Variants in ZFYVE1 observed in about 807,000 individuals in gnomAD.
ZFYVE1 encodes zinc finger FYVE-type containing 1.
Under a neutral mutation model 74.4 loss-of-function variants are expected in ZFYVE1, and 30 were observed. That is an observed-to-expected ratio of 0.40 (90% CI 0.30 to 0.55). The LOEUF is 0.55. ZFYVE1 is among the 20% of genes least tolerant of loss of function. The probability of loss-of-function intolerance (pLI) is 0.42; values close to 1 mark genes in which losing one functional copy is unlikely to be tolerated. For missense variants in ZFYVE1, 703 were observed against 1,011.6 expected (o/e 0.69, Z 4.14); for synonymous variants, 335 against 385.1 (o/e 0.87, Z 1.52).
chr14:73,017,721 A>C (rs1293518172), intron 2 of ZFYVE1, among the ~76,000 whole-genome samples: 1 of 150,140 alleles, frequency 6.7e-6, no homozygotes, highest in African/African-American at 2.5e-5. Context: ...TCCCCATCTC[A>C]GTAACACCAA....
intron 2 of ZFYVE1, among the ~76,000 whole-genome samples, chr14:73,020,846 G>C (rs867291967): frequency 6.6e-6 from 1 of 152,094 alleles, no homozygotes; most frequent in Admixed American, 6.6e-5. Context: ...GTGGTGGCAG[G>C]TGCCTGTAAT....
At chr14:72,977,447 C>T (rs944409168) in intron 8 of ZFYVE1, among the ~76,000 whole-genome samples, 37 of 151,916 alleles carry the variant, frequency 2.4e-4, no homozygotes, top group African/African-American at 8.7e-4. Flanking sequence ...CTATAGGAAT[C>T]CCACTTCTTA....
At chr14:72,993,476 G>C in intron 3 of ZFYVE1, 119 bp from the exon 4 acceptor site, 1 of 861,030 alleles carries the variant, frequency 1.2e-6, no homozygotes, top group Non-Finnish European at 1.7e-6. Flanking sequence ...GCCAAGGTGG[G>C]TGGATCACCC....
At chr14:73,021,011 G>C (rs1894307444) in intron 2 of ZFYVE1, among the ~76,000 whole-genome samples, 1 of 152,162 alleles carries the variant, frequency 6.6e-6, no homozygotes, top group Non-Finnish European at 1.5e-5. Context: ...TGGGATTACA[G>C]GTATGAGCCA....
At chr14:72,971,541 TG>T in intron 11 of ZFYVE1, among the ~76,000 whole-genome samples, 1 of 152,272 alleles carries the variant, frequency 6.6e-6, no homozygotes, top group South Asian at 2.1e-4. Flanking sequence ...TTGTCCGGGC[TG>T]GTCTCGAACT....
rs1328298222 is a variant in ZFYVE1, at chr14:72,993,183, C to A, written c.1163G>T (p.Arg388Leu). ...LEQLLENNTT[R>L]SPRHPGVIFK... Reference sequence around the variant, plus strand: ...GATGACTCCCGGGTGCCGGGGAGAACGGGTGGTGTTATTCTCTAGTAGCTG... The same window carrying A: ...GATGACTCCCGGGTGCCGGGGAGAAAGGGTGGTGTTATTCTCTAGTAGCTG... The change falls in exon 4 of 12, where the codon CGT becomes CTT. Residue 388 changes from arginine (R) to leucine (L), a missense_variant. Physicochemically the swap from Arg to Leu is moderately radical, Grantham distance 102. This residue lies in a region of ZFYVE1 where 492 missense variants were observed against 790.0 expected (regional missense o/e 0.62). Transcript: ENST00000556143. The A allele has an allele frequency of 6.2e-7, 1 of 1,612,836 alleles. No homozygotes were observed. The highest frequency in any genetic ancestry group is 8.5e-7 in the Non-Finnish European group (1 of 1,179,380).
chr14:72,996,335 T>C lies in ZFYVE1; in HGVS notation c.988+1476A>G, dbSNP rs568054557. On this transcript the variant is annotated intron_variant, in intron 3 of 11. Transcript: ENST00000556143. ...CATTGGATGCTACATGGAGAATGCA[T>C]TGAAGGGAGTTAGAATGGAATTTTG... Among the ~76,000 whole-genome samples, 22 of 152,310 alleles carry C rather than the reference T, an allele frequency of 1.4e-4. No individual in the cohort carries two copies. The South Asian group carries it at 4.6e-3, about 32-fold the overall frequency.
intron 3 of ZFYVE1, among the ~76,000 whole-genome samples, chr14:72,994,892 T>C (rs1331797894): frequency 6.6e-6 from 1 of 152,212 alleles, no homozygotes; most frequent in Non-Finnish European, 1.5e-5. Flanking sequence ...CTCTGTACTT[T>C]GAAAATTCTG....
intron 2 of ZFYVE1, among the ~76,000 whole-genome samples, chr14:73,021,166 G>C (rs1165920318): frequency 6.6e-6 from 1 of 152,014 alleles, no homozygotes; most frequent in Non-Finnish European, 1.5e-5. Flanking sequence ...CCAACATAGA[G>C]AAACCCCATC....
chr14:72,973,121 G>A (rs1274367648), intron 11 of ZFYVE1, among the ~76,000 whole-genome samples: 1 of 152,150 alleles, frequency 6.6e-6, no homozygotes, highest in Non-Finnish European at 1.5e-5. Flanking sequence ...CTTGAATCTA[G>A]ACAAACCTGT....
intron 2 of ZFYVE1, among the ~76,000 whole-genome samples, chr14:73,011,605 C>G (rs1427918111): frequency 2.0e-5 from 3 of 151,492 alleles, no homozygotes; most frequent in Non-Finnish European, 4.4e-5. Flanking sequence ...CTGCAACTTC[C>G]ACCTCCCAGG....
chr14:73,006,698 C>A (rs80313854), intron 2 of ZFYVE1, among the ~76,000 whole-genome samples: 5,282 of 149,124 alleles, frequency 0.035, 138 homozygotes, highest in Middle Eastern at 0.073. Context: ...AATGATCCCC[C>A]ACCCCAGTTC....
At chr14:72,991,022 C>A (rs957275823) in intron 4 of ZFYVE1, among the ~76,000 whole-genome samples, 1 of 151,838 alleles carries the variant, frequency 6.6e-6, no homozygotes, top group Non-Finnish European at 1.5e-5. Flanking sequence ...TCATTTTAAT[C>A]GCAGAAAGCT....
At chr14:73,013,345 C>G (rs536034293) in intron 2 of ZFYVE1, among the ~76,000 whole-genome samples, 84 of 152,244 alleles carry the variant, frequency 5.5e-4, no homozygotes, top group African/African-American at 2.0e-3. Flanking sequence ...CAGTGGCTCA[C>G]GCCTGTAATC....
At position 72,981,901 on chromosome 14, in the gene ZFYVE1, A is replaced by G. The variant is rs1893341462; in HGVS notation, c.1204-6T>C. 6.2e-7 allele frequency: 1 copy of G among 1,613,606 alleles called. No individual in the cohort carries two copies. The highest frequency in any genetic ancestry group is 1.3e-5 in the African/African-American group (1 of 74,930). On this transcript the variant is annotated splice_region_variant and splice_polypyrimidine_tract_variant and intron_variant, in intron 4 of 11. Coordinates refer to ENST00000556143, the MANE Select transcript of ZFYVE1 (RefSeq NM_021260.4). ...CTGAAGCGGTCACTTAGTGCCTGCC[A>G]AGGAGGGAAGGTGACATATGATGGC...
chr14:73,019,917 C>T (rs1390162061), intron 2 of ZFYVE1, among the ~76,000 whole-genome samples: 1 of 151,606 alleles, frequency 6.6e-6, no homozygotes, highest in East Asian at 1.9e-4. Context: ...CACCACGGCA[C>T]TCCAGCCGGG....
chr14:73,006,709 C>CTTTTTTTT (rs35364666), intron 2 of ZFYVE1, among the ~76,000 whole-genome samples: 3 of 77,636 alleles, frequency 3.9e-5, no homozygotes, highest in Non-Finnish European at 4.9e-5. Context: ...ACCCCAGTTC[C>CTTTTTTTT]TTTTTTTTTT....
intron 2 of ZFYVE1, among the ~76,000 whole-genome samples, chr14:73,008,065 G>A (rs78182676): frequency 0.027 from 4,048 of 152,328 alleles, 74 homozygotes; most frequent in Non-Finnish European, 0.036. Flanking sequence ...TCCTCTCCAT[G>A]TCTTATAACT....
At position 72,978,885 on chromosome 14, in the gene ZFYVE1, A is replaced by G; in HGVS notation, c.1395T>C (p.Tyr465=). The change falls in exon 6 of 12, where the codon TAT becomes TAC. Residue 465 remains tyrosine (Y), a synonymous_variant. Coordinates refer to ENST00000556143, the MANE Select transcript of ZFYVE1 (RefSeq NM_021260.4). ...CCTTGCAGGTATACACTCGGTTGTC[A>G]TACTGGTGGGAGTATCTGCAGCGGC... ...AKSRCRYSHQ[Y]DNRVYTCKAC... The G allele has an allele frequency of 6.2e-7, 1 of 1,614,122 alleles. No individual in the cohort carries two copies. Among genetic ancestry groups the G allele is most frequent in the Non-Finnish European group, 8.5e-7 (1 of 1,179,964 alleles).
Sources: gnomAD v4.1 joint callset for allele counts (sites outside exome capture counted in the v4.1 genomes callset) on GRCh38, gnomAD v4.1.1 for gene constraint, gnomAD v4.1.1 regional missense constraint, MANE v1.5 for transcripts, NCBI Gene and HGNC (gene_info 2026-07-23, HGNC 2026-07-21) for gene names.